PC: variants seen among roughly 807,000 people sequenced by gnomAD.
The protein encoded by PC is pyruvate carboxylase, mitochondrial.
In PC, 46 loss-of-function variants were observed where a neutral mutation model predicts 107.8. The ratio of observed to expected loss-of-function variants is 0.43; its 90% CI spans 0.34 to 0.55. PC has a LOEUF of 0.55. Ranked by LOEUF, PC falls within the 20% of genes least tolerant of loss-of-function variation. PC has a pLI of 0.04. For synonymous variants in PC, 662 were observed against 684.7 expected (o/e 0.97, Z 0.52); for missense variants, 1,241 against 1,643.1 (o/e 0.76, Z 4.23).
chr11:66,871,904 T>G lies in PC; in HGVS notation c.137-33A>C. ...GCAAAGAAACAAGAAGTTAGATTCC[T>G]AGGTCCTAGGAGAAGCAGAAAGGGG... On this transcript the variant is annotated intron_variant, in intron 4 of 22. Transcript: ENST00000393960. The surrounding 1 kb of genome is among the most constrained non-coding windows in gnomAD (Gnocchi z 7.4). 6.3e-7 allele frequency: 1 copy of G among 1,597,944 alleles called. No individual in the cohort carries two copies. The highest frequency in any genetic ancestry group is 8.5e-7 in the Non-Finnish European group (1 of 1,174,768).
intron 3 of PC, among the ~76,000 whole-genome samples, chr11:66,939,828 C>CA (rs1949084473): frequency 1.6e-5 from 2 of 125,066 alleles, no homozygotes; most frequent in African/African-American, 3.0e-5. Flanking sequence ...AAAAAAAAAC[C>CA]AAAAACAAGA....
intron 3 of PC, among the ~76,000 whole-genome samples, chr11:66,900,602 C>T (rs1310112536): frequency 1.3e-5 from 2 of 152,154 alleles, no homozygotes; most frequent in Non-Finnish European, 2.9e-5. Context: ...GGAAGTATTG[C>T]CATCTTAACA....
intron 3 of PC, among the ~76,000 whole-genome samples, chr11:66,900,544 C>T (rs962799395): frequency 1.3e-5 from 2 of 152,140 alleles, no homozygotes; most frequent in Non-Finnish European, 2.9e-5. Context: ...TGTCAATTTC[C>T]GCTAATGAAG....
At chr11:66,934,938 T>C (rs1948957855) in intron 3 of PC, among the ~76,000 whole-genome samples, 1 of 152,348 alleles carries the variant, frequency 6.6e-6, no homozygotes, top group East Asian at 1.9e-4. Context: ...GCATCTCACC[T>C]GGCACAGAAG....
chr11:66,903,752 GAAAAAAAAAAAAA>G (rs1175402409), intron 3 of PC, among the ~76,000 whole-genome samples: 4 of 76,194 alleles, frequency 5.2e-5, no homozygotes, highest in African/African-American at 2.9e-4. Flanking sequence ...TCCATCTCAG[GAAAAAAAAAAAAA>G]AAAAAAAAAT....
intron 3 of PC, among the ~76,000 whole-genome samples, chr11:66,918,385 A>G (rs1441236770): frequency 6.6e-6 from 1 of 150,422 alleles, no homozygotes; most frequent in Non-Finnish European, 1.5e-5. Flanking sequence ...CATATACAAA[A>G]TCTACTTTTT....
In PC at chr11:66,870,270, T is replaced by C; in HGVS notation, c.903+32A>G. The C allele has an allele frequency of 6.2e-7, 1 of 1,610,878 alleles. No individual in the cohort carries two copies. Among genetic ancestry groups the C allele is most frequent in the Non-Finnish European group, 8.5e-7 (1 of 1,179,822 alleles). On this transcript the variant is annotated intron_variant, in intron 9 of 22. Transcript: ENST00000393960. The surrounding 1 kb of genome is among the most constrained non-coding windows in gnomAD (Gnocchi z 6.1). ...GGCCTGCCGGCCTGTGAGCACAGGC[T>C]CCTGTCCCAACACGGGAAGCCCACC...
intron 3 of PC, among the ~76,000 whole-genome samples, chr11:66,890,446 G>A (rs114098501): frequency 0.027 from 4,033 of 147,158 alleles, 86 homozygotes; most frequent in African/African-American, 0.048. Context: ...CTGGGCTGGA[G>A]TGACAGAGCG....
At position 66,857,492 on chromosome 11, in the gene PC, C is replaced by G; in HGVS notation, c.1369-4109G>C. ...CTCGGTCCTCCTCCGCTTCCTGCCT[C>G]ATGCCTCACCTTGTCCCCAGCGCCT... On this transcript the variant is annotated intron_variant, in intron 12 of 22. Transcript: ENST00000393960. The surrounding 1 kb of genome is among the most constrained non-coding windows in gnomAD (Gnocchi z 7.1). 1 of 472,184 alleles carries G rather than the reference C, an allele frequency of 2.1e-6. No homozygotes were observed. Among genetic ancestry groups the G allele is most frequent in the Non-Finnish European group, 3.7e-6 (1 of 268,624 alleles). 29.2% of individuals were successfully genotyped at this position (472,184 alleles called of 1,614,324 possible).
At chr11:66,938,290 G>A (rs774532982) in intron 3 of PC, among the ~76,000 whole-genome samples, 17 of 151,922 alleles carry the variant, frequency 1.1e-4, no homozygotes, top group African/African-American at 3.1e-4. Flanking sequence ...TTAATTTCTC[G>A]AGTTCTGAAA....
chr11:66,860,881 G>A (rs994351128), intron 12 of PC, among the ~76,000 whole-genome samples: 11 of 152,216 alleles, frequency 7.2e-5, no homozygotes, highest in Admixed American at 7.2e-4. Context: ...AGCCCTCTGG[G>A]AGAACGGACC....
chr11:66,935,148 G>A (rs1477307368), intron 3 of PC, among the ~76,000 whole-genome samples: 1 of 152,232 alleles, frequency 6.6e-6, no homozygotes, highest in African/African-American at 2.4e-5. Flanking sequence ...AATGCTGAAG[G>A]AAAGAACCAT....
chr11:66,864,297 C>T (rs1454612511), intron 11 of PC, among the ~76,000 whole-genome samples: 1 of 152,234 alleles, frequency 6.6e-6, no homozygotes, highest in Non-Finnish European at 1.5e-5. Flanking sequence ...GCTGCACCTG[C>T]CTGAGCAACC....
At chr11:66,879,325 C>A (rs1947102088) in intron 3 of PC, among the ~76,000 whole-genome samples, 2 of 152,232 alleles carry the variant, frequency 1.3e-5, no homozygotes, top group African/African-American at 4.8e-5. Flanking sequence ...ACACTTGGAG[C>A]AAACACACAG....
chr11:66,889,166 A>AT (rs1405855597), intron 3 of PC, among the ~76,000 whole-genome samples: 5 of 152,124 alleles, frequency 3.3e-5, no homozygotes, highest in Non-Finnish European at 2.9e-5. Flanking sequence ...GAAAGTGGGT[A>AT]CATGTGTGGG....
At chr11:66,904,757 G>A (rs1230573934) in intron 3 of PC, among the ~76,000 whole-genome samples, 1 of 152,264 alleles carries the variant, frequency 6.6e-6, no homozygotes, top group Non-Finnish European at 1.5e-5. Context: ...GGCCAAGTCT[G>A]GACCACAGGC....
intron 3 of PC, among the ~76,000 whole-genome samples, chr11:66,933,148 T>C (rs1948904115): frequency 6.6e-6 from 1 of 152,122 alleles, no homozygotes. Flanking sequence ...CCAAGTACCC[T>C]GAAGGTGTCT....
chr11:66,910,554 C>T (rs538153808), intron 3 of PC, among the ~76,000 whole-genome samples: 4 of 152,278 alleles, frequency 2.6e-5, no homozygotes, highest in South Asian at 2.1e-4. Flanking sequence ...GCAGAGAGAG[C>T]GTGATGGCCC....
intron 3 of PC, among the ~76,000 whole-genome samples, chr11:66,883,942 C>A (rs1591221223): frequency 6.6e-6 from 1 of 151,840 alleles, no homozygotes; most frequent in African/African-American, 2.4e-5. Context: ...AAAAAAAAAA[C>A]TTTTTAAAAT....
Sources: allele counts gnomAD v4.1 joint callset (sites outside exome capture counted in the v4.1 genomes callset), GRCh38; gene constraint gnomAD v4.1.1; non-coding constraint Gnocchi (gnomAD v3.1); transcripts MANE v1.5; gene names NCBI Gene and HGNC (gene_info 2026-07-23, HGNC 2026-07-21).